PKD1L1: variants seen among roughly 807,000 people sequenced by gnomAD.
PKD1L1 encodes the protein polycystin 1 like 1, transient receptor potential channel interacting.
Under a neutral mutation model 323.4 loss-of-function variants are expected in PKD1L1, and 236 were observed. The observed-to-expected ratio is 0.73, with a 90% CI of 0.66 to 0.81. The LOEUF is 0.81. PKD1L1 is among the 40% of genes least tolerant of loss of function. PKD1L1 has a pLI of 0.00. For synonymous variants in PKD1L1, 1,344 were observed against 1,335.0 expected, an observed-to-expected ratio of 1.01 and a Z score of -0.15; for missense variants, 3,320 against 3,508.0, an observed-to-expected ratio of 0.95 and a Z score of 1.35.
At chr7:47,798,259 T>C (rs1408495120) in intron 54 of PKD1L1, among the ~76,000 whole-genome samples, 1 of 151,876 alleles carries the variant, frequency 6.6e-6, no homozygotes. Context: ...AACCCAGATA[T>C]AGATCCACAC....
intron 15 of PKD1L1, among the ~76,000 whole-genome samples, chr7:47,893,338 G>C (rs9690074): frequency 0.53 from 80,997 of 151,678 alleles, 22,395 homozygotes; most frequent in African/African-American, 0.68. Context: ...TGTCTCGAGG[G>C]TGTCCAGAGG....
chr7:47,828,200 G>A (rs979695686), intron 44 of PKD1L1, among the ~76,000 whole-genome samples: 1 of 152,070 alleles, frequency 6.6e-6, no homozygotes, highest in African/African-American at 2.4e-5. Flanking sequence ...GTGTAGGGGG[G>A]CACCCCAACT....
intron 56 of PKD1L1, among the ~76,000 whole-genome samples, chr7:47,781,404 G>GTTTTTT (rs1370272679): frequency 2.8e-5 from 2 of 70,704 alleles, no homozygotes; most frequent in African/African-American, 5.0e-5. Flanking sequence ...TTTTTGTTTT[G>GTTTTTT]TTTTGTTTTT....
chr7:47,858,213 T>C (rs1001199479), intron 27 of PKD1L1, among the ~76,000 whole-genome samples: 1 of 152,080 alleles, frequency 6.6e-6, no homozygotes, highest in Non-Finnish European at 1.5e-5. Flanking sequence ...AAAGTAAAAA[T>C]AAAAAAGTCT....
At chr7:47,854,734 A>G in intron 30 of PKD1L1, 148 bp downstream of exon 30, 1 of 999,778 alleles carries the variant, frequency 1.0e-6, no homozygotes, top group Non-Finnish European at 1.5e-6. Context: ...TAGCATCCAA[A>G]CAGCAGAATA....
the PKD1L1 span, among the ~76,000 whole-genome samples, chr7:47,960,821 A>G: frequency 6.6e-6 from 1 of 151,984 alleles, no homozygotes; most frequent in Admixed American, 6.5e-5. Flanking sequence ...CAAAATCACA[A>G]TGAAATATCA....
At chr7:47,904,870 CTTAGA>C (rs1358744481) in intron 11 of PKD1L1, among the ~76,000 whole-genome samples, 1 of 152,142 alleles carries the variant, frequency 6.6e-6, no homozygotes, top group African/African-American at 2.4e-5. Flanking sequence ...ATTGCCCTTT[CTTAGA>C]TGAGGAATTT....
chr7:47,905,459 T>C (rs1312108204), intron 10 of PKD1L1, 134 bp from the exon 11 acceptor site: 19 of 1,041,106 alleles, frequency 1.8e-5, no homozygotes, highest in East Asian at 2.4e-5. Flanking sequence ...TGCATGCAGA[T>C]TGGCAGCAAG....
chr7:47,847,132 T>G, intron 31 of PKD1L1, 61 bp from the exon 32 acceptor site: 1 of 1,364,630 alleles, frequency 7.3e-7, no homozygotes, highest in Non-Finnish European at 9.8e-7. Flanking sequence ...GCATTCTCCA[T>G]TTCAAACGCA....
At chr7:47,935,123 T>C (rs1787844052) in intron 4 of PKD1L1, among the ~76,000 whole-genome samples, 1 of 152,220 alleles carries the variant, frequency 6.6e-6, no homozygotes, top group African/African-American at 2.4e-5. Context: ...TGATTCCACT[T>C]GAAGATTTCT....
At chr7:47,949,374 A>G (rs1788168506), upstream of PKD1L1, among the ~76,000 whole-genome samples, 1 of 112,916 alleles carries the variant, frequency 8.9e-6, no homozygotes, top group African/African-American at 3.5e-5. Context: ...GTCTCAAAAA[A>G]AAAAAAAAAA....
At position 47,898,205 on chromosome 7, in the gene PKD1L1, A is replaced by G; in HGVS notation, c.2065-11T>C. The G allele has an allele frequency of 6.2e-7, 1 of 1,606,584 alleles. No individual in the cohort carries two copies. Among genetic ancestry groups the G allele is most frequent in the Non-Finnish European group, 8.5e-7 (1 of 1,173,708 alleles). Reference sequence around the variant, plus strand: ...CTGAGACCTCCATATCTAAGTATCAAGAAGAGAAGATGTCTCATTAAAATG... The same window carrying G: ...CTGAGACCTCCATATCTAAGTATCAGGAAGAGAAGATGTCTCATTAAAATG... On this transcript the variant is annotated splice_polypyrimidine_tract_variant and intron_variant, in intron 13 of 56. Transcript: ENST00000289672.
intron 54 of PKD1L1, among the ~76,000 whole-genome samples, chr7:47,798,584 T>C (rs1346713030): frequency 1.1e-4 from 16 of 151,898 alleles, no homozygotes; most frequent in Admixed American, 1.0e-3. Flanking sequence ...GACGAAACCC[T>C]GTCTCTACTA....
chr7:47,785,217 A>G (rs1786780291), intron 56 of PKD1L1, among the ~76,000 whole-genome samples: 1 of 152,212 alleles, frequency 6.6e-6, no homozygotes, highest in African/African-American at 2.4e-5. Context: ...TCGGCTTCAC[A>G]TGAAGAAACA....
chr7:47,932,008 A>G lies in PKD1L1; in HGVS notation c.447T>C (p.Gly149=). The G allele has an allele frequency of 5.0e-6, 8 of 1,614,084 alleles. No individual in the cohort carries two copies. The highest frequency in any genetic ancestry group is 6.8e-6 in the Non-Finnish European group (8 of 1,179,942). Residue 149 remains glycine (G), a synonymous_variant, in exon 5 of 57, where the codon GGT becomes GGC. Coordinates refer to ENST00000289672, the MANE Select transcript of PKD1L1 (RefSeq NM_138295.5). ...GCCGCCTGTGATGGAACCTGGGGCC[A>G]CCACTGCTCCAGGCCCTTGCGATTA... ...FIIIARAWSS[G]GPRFHHRRLC...
At chr7:47,776,464 T>G (rs1292898460) in intron 56 of PKD1L1, among the ~76,000 whole-genome samples, 2 of 152,244 alleles carry the variant, frequency 1.3e-5, no homozygotes, top group Admixed American at 1.3e-4. Context: ...CCAGCTCTGA[T>G]GCACCCTGAT....
chr7:47,899,843 C>T (rs977287201), intron 13 of PKD1L1, among the ~76,000 whole-genome samples: 3 of 151,706 alleles, frequency 2.0e-5, no homozygotes, highest in African/African-American at 7.3e-5. Flanking sequence ...GTAGTCCCAG[C>T]TACTCTGGAG....
chr7:47,783,224 T>C (rs1020276417), intron 56 of PKD1L1, among the ~76,000 whole-genome samples: 5 of 152,200 alleles, frequency 3.3e-5, no homozygotes, highest in Non-Finnish European at 7.3e-5. Flanking sequence ...TACTTGATCT[T>C]TTCCACAGTC....
intron 56 of PKD1L1, among the ~76,000 whole-genome samples, chr7:47,778,064 T>C (rs769790293): frequency 6.6e-6 from 1 of 152,158 alleles, no homozygotes; most frequent in Non-Finnish European, 1.5e-5. Context: ...TTTTTCCTAA[T>C]CATGGTACTC....
Sources: allele counts gnomAD v4.1 joint callset (sites outside exome capture counted in the v4.1 genomes callset), GRCh38; gene constraint gnomAD v4.1.1; transcripts MANE v1.5; gene names NCBI Gene and HGNC (gene_info 2026-07-23, HGNC 2026-07-21).